CEP128: variants seen among roughly 807,000 people sequenced by gnomAD.
The protein encoded by CEP128 is centrosomal protein 128kDa.
A neutral mutation model predicts 156.7 loss-of-function variants in CEP128; 132 were observed. The observed-to-expected ratio is 0.84, with a 90% CI of 0.73 to 0.97. The LOEUF (loss-of-function observed/expected upper bound fraction) is 0.97, where lower values mean the gene tolerates loss of function less well. Ranked by LOEUF, CEP128 falls within the 50% of genes least tolerant of loss-of-function variation. The pLI, the probability that CEP128 is intolerant of heterozygous loss-of-function variation, is 0.00. For synonymous variants in CEP128, 469 were observed against 448.9 expected, an observed-to-expected ratio of 1.04 and a Z score of -0.57; for missense variants, 1,252 against 1,281.9, an observed-to-expected ratio of 0.98 and a Z score of 0.36.
Position 80,562,655 on chromosome 14 carries a change from C to CTTTTTT in CEP128, c.2857-3359_2857-3354dup, listed in dbSNP as rs1170778718. Reference sequence around the variant, plus strand: ...CCAACAACAGTGTAGCTTTTCTTTTCTTTTTTTTTTTTTTTTTTTTTTGGA... The same window carrying CTTTTTT: ...CCAACAACAGTGTAGCTTTTCTTTTCTTTTTTTTTTTTTTTTTTTTTTTTTTTTGGA... On this transcript the variant is annotated intron_variant, in intron 20 of 24. Transcript: ENST00000555265. Among the ~76,000 whole-genome samples the CTTTTTT allele has an allele frequency of 6.4e-3, 734 of 114,208 alleles. 2 individuals carry two copies. Among genetic ancestry groups the CTTTTTT allele is most frequent in the Non-Finnish European group, 9.5e-3 (513 of 53,874 alleles). 74.9% of individuals were successfully genotyped at this position (114,208 alleles called of 152,430 possible).
At chr14:80,557,359 T>TTAGAGAAAAATGATAAAATA (rs1890479744) in intron 21 of CEP128, among the ~76,000 whole-genome samples, 1 of 152,198 alleles carries the variant, frequency 6.6e-6, no homozygotes. Flanking sequence ...CTCTTAATTC[T>TTAGAGAAAAATGATAAAATA]TAGAGAAAAA....
intron 19 of CEP128, among the ~76,000 whole-genome samples, chr14:80,594,237 A>C (rs780136981): frequency 6.6e-6 from 1 of 152,248 alleles, no homozygotes; most frequent in African/African-American, 2.4e-5. Context: ...TTCCCTATTT[A>C]ATAAATGGTG....
At chr14:80,688,364 C>A (rs1314202155) in intron 19 of CEP128, among the ~76,000 whole-genome samples, 3 of 152,092 alleles carry the variant, frequency 2.0e-5, no homozygotes, top group Non-Finnish European at 2.9e-5. Context: ...GCATTGTCTT[C>A]ATTTTGGAAA....
At chr14:80,910,405 C>A (rs1330252251) in intron 4 of CEP128, among the ~76,000 whole-genome samples, 1 of 152,148 alleles carries the variant, frequency 6.6e-6, no homozygotes, top group African/African-American at 2.4e-5. Flanking sequence ...AATGGTCTAG[C>A]ACCATCCCCG....
chr14:80,479,952 A>T (rs1040876903), intron 14 of CEP128, among the ~76,000 whole-genome samples: 1 of 152,092 alleles, frequency 6.6e-6, no homozygotes, highest in Non-Finnish European at 1.5e-5. Flanking sequence ...ATCTCCTTTG[A>T]CTCCAGGTCT....
intron 18 of CEP128, among the ~76,000 whole-genome samples, chr14:80,754,249 A>T (rs1173400613): frequency 2.0e-5 from 3 of 152,078 alleles, no homozygotes; most frequent in Non-Finnish European, 4.4e-5. Context: ...TGTTCTTTGC[A>T]TTCATCAAAT....
chr14:80,668,505 C>G (rs551513294), intron 19 of CEP128, among the ~76,000 whole-genome samples: 1 of 151,784 alleles, frequency 6.6e-6, no homozygotes, highest in African/African-American at 2.4e-5. Context: ...GAATATAGAA[C>G]AGAAAAGAGA....
At chr14:80,692,852 A>G (rs1160757285) in intron 19 of CEP128, among the ~76,000 whole-genome samples, 1 of 152,232 alleles carries the variant, frequency 6.6e-6, no homozygotes, top group Non-Finnish European at 1.5e-5. Context: ...GTGGTGCTGT[A>G]GAATTCCCCT....
At chr14:80,500,173 C>G (rs948598071) in intron 24 of CEP128, among the ~76,000 whole-genome samples, 1 of 152,198 alleles carries the variant, frequency 6.6e-6, no homozygotes, top group Admixed American at 6.5e-5. Context: ...ACTTCAGAGA[C>G]CACAAATTAT....
In CEP128 at chr14:80,563,524, C is replaced by CTTTTTTTTTTTTT. The variant is rs540593415; in HGVS notation, c.2857-4235_2857-4223dup. On this transcript the variant is annotated intron_variant, in intron 20 of 24. Coordinates refer to ENST00000555265, the MANE Select transcript of CEP128 (RefSeq NM_152446.5). ...GAAGCCTACCCATGGGCCTCCAAAT[C>CTTTTTTTTTTTTT]TTTTTTTTTTTTTTTTTTTTTTTTT... Among the ~76,000 whole-genome samples the CTTTTTTTTTTTTT allele has an allele frequency of 1.7e-3, 134 of 78,876 alleles. 24 individuals are homozygous for CTTTTTTTTTTTTT. Among genetic ancestry groups the CTTTTTTTTTTTTT allele is most frequent in the East Asian group, 5.4e-3 (11 of 2,050 alleles). 51.7% of individuals were successfully genotyped at this position (78,876 alleles called of 152,430 possible).
intron 20 of CEP128, among the ~76,000 whole-genome samples, chr14:80,570,068 T>G (rs867030887): frequency 1.3e-5 from 2 of 152,172 alleles, no homozygotes; most frequent in Non-Finnish European, 1.5e-5. Flanking sequence ...CAAAACTATT[T>G]ATTGTAAGTT....
rs534424623 is a variant in CEP128, at chr14:80,818,939, G to C, written c.1209+12204C>G. 1.6e-4 allele frequency among the ~76,000 whole-genome samples: 25 copies of C among 152,242 alleles called. No homozygotes were observed. The South Asian group carries it at 5.2e-3, about 32-fold the overall frequency. On this transcript the variant is annotated intron_variant, in intron 13 of 24. Transcript: ENST00000555265. Reference sequence around the variant, plus strand: ...GACAGGAGCCATCCTTTTGCAATAGGAATGGAAGAGCCCCAGGCCTATTTC... The same window carrying C: ...GACAGGAGCCATCCTTTTGCAATAGCAATGGAAGAGCCCCAGGCCTATTTC...
intron 19 of CEP128, among the ~76,000 whole-genome samples, chr14:80,602,473 T>A (rs1183755590): frequency 6.6e-6 from 1 of 152,138 alleles, no homozygotes; most frequent in Non-Finnish European, 1.5e-5. Context: ...CAATAATGTC[T>A]AAATAAATTA....
Position 80,522,574 on chromosome 14 carries a change from C to T in CEP128, c.3072+4295G>A, listed in dbSNP as rs115127295. On this transcript the variant is annotated intron_variant, in intron 23 of 24. Transcript: ENST00000555265. ...AAGGGGAAGAAGGATGGGGAATAAACATGCCTTCTGCAATTTTACTAAAAA... is the reference window on the plus strand; with the variant it reads ...AAGGGGAAGAAGGATGGGGAATAAATATGCCTTCTGCAATTTTACTAAAAA... Among the ~76,000 whole-genome samples, 1,081 of 152,324 alleles carry T rather than the reference C, an allele frequency of 7.1e-3. 16 individuals are homozygous for T. The highest frequency in any genetic ancestry group is 0.025 in the African/African-American group (1,034 of 41,564).
intron 2 of CEP128, among the ~76,000 whole-genome samples, chr14:80,937,866 C>G (rs1208535422): frequency 6.6e-6 from 1 of 151,452 alleles, no homozygotes; most frequent in East Asian, 1.9e-4. Flanking sequence ...CCAATAGGTC[C>G]CCCATCCAGC....
intron 19 of CEP128, among the ~76,000 whole-genome samples, chr14:80,683,522 G>C (rs12882090): frequency 0.38 from 57,414 of 152,038 alleles, 12,739 homozygotes; most frequent in Non-Finnish European, 0.5. Flanking sequence ...CACAATAATA[G>C]TGGTGGACTT....
At chr14:80,757,251 A>C (rs914995527) in intron 17 of CEP128, among the ~76,000 whole-genome samples, 4 of 152,166 alleles carry the variant, frequency 2.6e-5, no homozygotes, top group African/African-American at 9.7e-5. Context: ...TATGGCAAAC[A>C]GCTTCAATTA....
chr14:80,642,925 T>G (rs1894482370), intron 19 of CEP128, among the ~76,000 whole-genome samples: 1 of 151,850 alleles, frequency 6.6e-6, no homozygotes, highest in Non-Finnish European at 1.5e-5. Flanking sequence ...TGGCTAATTT[T>G]TTGTATTTTT....
chr14:80,779,267 A>G (rs767637984), intron 15 of CEP128, among the ~76,000 whole-genome samples: 6 of 152,222 alleles, frequency 3.9e-5, no homozygotes, highest in African/African-American at 4.8e-5. Flanking sequence ...AACGCAATCA[A>G]TGGAAACAAT....
Sources: allele counts gnomAD v4.1 joint callset (sites outside exome capture counted in the v4.1 genomes callset), GRCh38; gene constraint gnomAD v4.1.1; transcripts MANE v1.5; gene names NCBI Gene and HGNC (gene_info 2026-07-23, HGNC 2026-07-21).